ZFYVE28: variants seen among roughly 807,000 people sequenced by gnomAD.
The protein encoded by ZFYVE28 is lateral signaling target protein 2 homolog.
ZFYVE28 carries 40 observed loss-of-function variants against 82.1 expected under a neutral mutation model. That is an observed-to-expected ratio of 0.49 (90% CI 0.38 to 0.63). The LOEUF is 0.63. Among genes scored for constraint, ZFYVE28 ranks in the 30% least tolerant of loss-of-function variants. The pLI is 0.00. For missense variants in ZFYVE28, 1,321 were observed against 1,242.1 expected, an observed-to-expected ratio of 1.06 and a Z score of -0.96; for synonymous variants, 612 against 546.1, an observed-to-expected ratio of 1.12 and a Z score of -1.68.
chr4:2,341,658 A>G lies in ZFYVE28; in HGVS notation c.181-43T>C. ...AGAAAGTGCGCCAATCGCTGTGTCC[A>G]GCTGGCGGCCGCCATGTACTGCTGG... On this transcript the variant is annotated intron_variant, in intron 2 of 12. Transcript: ENST00000290974. This position sits in a 1 kb window ranked among gnomAD's most constrained non-coding sequence, Gnocchi z 4.5. 6.3e-7 allele frequency: 1 copy of G among 1,589,750 alleles called. No individual in the cohort carries two copies. Among genetic ancestry groups the G allele is most frequent in the Non-Finnish European group, 8.6e-7 (1 of 1,161,606 alleles).
rs569670640 is a variant in ZFYVE28, at chr4:2,320,980, C to T, written c.702-709G>A. 5.3e-5 allele frequency among the ~76,000 whole-genome samples: 8 copies of T among 152,268 alleles called. No individual in the cohort carries two copies. The highest frequency in any genetic ancestry group is 1.9e-4 in the African/African-American group (8 of 41,554). On this transcript the variant is annotated intron_variant, in intron 6 of 12. Transcript: ENST00000290974. The surrounding 1 kb of genome is among the most constrained non-coding windows in gnomAD (Gnocchi z 5.1). ...CTCCAGTGGCACCCACTCCTCTCCA[C>T]GCACCGTCCAGCCCTGCCAAGCTCC...
intron 1 of ZFYVE28, among the ~76,000 whole-genome samples, chr4:2,395,156 C>T (rs1730295463): frequency 6.6e-6 from 1 of 152,016 alleles, no homozygotes. Context: ...CCCATCACTG[C>T]CACGCCAGTC....
intron 1 of ZFYVE28, among the ~76,000 whole-genome samples, chr4:2,392,129 GGGCGACAGAGCAAGACTC>G (rs1729904949): frequency 6.6e-6 from 1 of 151,506 alleles, no homozygotes; most frequent in South Asian, 2.1e-4. Context: ...ACTCCATCCT[GGGCGACAGAGCAAGACTC>G]CATCCCAAAA....
intron 1 of ZFYVE28, among the ~76,000 whole-genome samples, chr4:2,383,318 C>A (rs576727424): frequency 6.6e-6 from 1 of 152,188 alleles, no homozygotes; most frequent in South Asian, 2.1e-4. Context: ...GACTAAGTCT[C>A]ACGAGATCTG....
intron 1 of ZFYVE28, among the ~76,000 whole-genome samples, chr4:2,410,946 G>A (rs1453308144): frequency 1.4e-5 from 2 of 143,830 alleles, no homozygotes; most frequent in Admixed American, 1.3e-4. Flanking sequence ...CATTTAAGTA[G>A]TTGATTCTGC....
chr4:2,336,927 G>GGGGA (rs111405317), intron 5 of ZFYVE28, among the ~76,000 whole-genome samples: 3 of 38,582 alleles, frequency 7.8e-5, no homozygotes, highest in Non-Finnish European at 1.4e-4. Context: ...GTGAGGAGGT[G>GGGGA]AGTGAGGAGG....
At chr4:2,371,846 C>T (rs1224398253) in intron 1 of ZFYVE28, among the ~76,000 whole-genome samples, 1 of 146,194 alleles carries the variant, frequency 6.8e-6, no homozygotes, top group African/African-American at 2.5e-5. Flanking sequence ...CAGCTGGCAG[C>T]CCGCCCCCCA....
intron 1 of ZFYVE28, among the ~76,000 whole-genome samples, chr4:2,384,852 A>G (rs1729088278): frequency 6.6e-6 from 1 of 152,228 alleles, no homozygotes; most frequent in South Asian, 2.1e-4. Context: ...ACTCTGCACA[A>G]GGAGTCACAC....
chr4:2,353,038 C>T (rs978664393), intron 2 of ZFYVE28, among the ~76,000 whole-genome samples: 5 of 152,242 alleles, frequency 3.3e-5, no homozygotes, highest in Admixed American at 6.5e-5. Context: ...GAGGCTGTCC[C>T]TGGAGGGGCC....
At chr4:2,373,048 G>A (rs961165499) in intron 1 of ZFYVE28, among the ~76,000 whole-genome samples, 9 of 152,214 alleles carry the variant, frequency 5.9e-5, no homozygotes, top group African/African-American at 2.2e-4. Context: ...CACAGGGACA[G>A]AAGGCTCAAG....
rs371667417 is a variant in ZFYVE28, at chr4:2,335,809, G to A, written c.612-15C>T. ...AGTCCAGGGCCCTGTCCGGGGAGAC[G>A]GACAGTGAGCAGCATGAGGGCTGGC... On this transcript the variant is annotated splice_polypyrimidine_tract_variant and intron_variant, in intron 5 of 12. Coordinates refer to ENST00000290974, the MANE Select transcript of ZFYVE28 (RefSeq NM_020972.3). This position sits in a 1 kb window ranked among gnomAD's most constrained non-coding sequence, Gnocchi z 5.8. The A allele has an allele frequency of 5.0e-5, 77 of 1,552,140 alleles. No individual in the cohort carries two copies. The highest frequency in any genetic ancestry group is 3.5e-4 in the Admixed American group (18 of 51,178).
intron 1 of ZFYVE28, 46 bp from the exon 2 acceptor site, chr4:2,354,119 G>T: frequency 6.9e-7 from 1 of 1,440,678 alleles, no homozygotes; most frequent in African/African-American, 1.4e-5. Flanking sequence ...GGGAACTGGA[G>T]GGGATGCCTC....
At chr4:2,412,307 C>T (rs183326806) in intron 1 of ZFYVE28, among the ~76,000 whole-genome samples, 32 of 152,248 alleles carry the variant, frequency 2.1e-4, no homozygotes, top group Non-Finnish European at 3.4e-4. Context: ...GGTAGCTAAA[C>T]GTTGGTTCTG....
intron 7 of ZFYVE28, among the ~76,000 whole-genome samples, chr4:2,312,183 T>G (rs1442802282): frequency 6.6e-6 from 1 of 152,170 alleles, no homozygotes; most frequent in African/African-American, 2.4e-5. Flanking sequence ...ATGCTGAGAT[T>G]ACAGGAATGA....
chr4:2,328,413 CA>C (rs780307090), intron 6 of ZFYVE28: 1 of 152,034 alleles, frequency 6.6e-6, no homozygotes, highest in Non-Finnish European at 1.5e-5. Flanking sequence ...GGGGAATGGC[CA>C]AAGAGTATAA....
At chr4:2,336,929 G>T (rs1721871821) in intron 5 of ZFYVE28, among the ~76,000 whole-genome samples, 1 of 148,804 alleles carries the variant, frequency 6.7e-6, no homozygotes, top group Non-Finnish European at 1.5e-5. Context: ...GAGGAGGTGA[G>T]TGAGGAGGTG....
At chr4:2,308,627 C>CAGAAAGAAA (rs1553830472) in intron 7 of ZFYVE28, among the ~76,000 whole-genome samples, 1 of 79,522 alleles carries the variant, frequency 1.3e-5, no homozygotes, top group African/African-American at 5.3e-5. Flanking sequence ...AGAAAGAAGA[C>CAGAAAGAAA]AGAAAGAAAG....
chr4:2,321,803 C>T (rs1324082269), intron 6 of ZFYVE28, among the ~76,000 whole-genome samples: 3 of 152,262 alleles, frequency 2.0e-5, no homozygotes, highest in Admixed American at 6.5e-5. Context: ...GTGTACCCAA[C>T]GTCTGCCCCT....
At chr4:2,306,479 C>T (rs560265155) in intron 7 of ZFYVE28, among the ~76,000 whole-genome samples, 1 of 152,234 alleles carries the variant, frequency 6.6e-6, no homozygotes, top group Admixed American at 6.5e-5. Context: ...GGCCGAGGCA[C>T]GCACCTGCTC....
Sources: gnomAD v4.1 joint callset for allele counts (sites outside exome capture counted in the v4.1 genomes callset) on GRCh38, gnomAD v4.1.1 for gene constraint, Gnocchi (gnomAD v3.1) non-coding constraint, MANE v1.5 for transcripts, NCBI Gene and HGNC (gene_info 2026-07-23, HGNC 2026-07-21) for gene names.